The following VSTM2B variants were observed in gnomAD, a reference collection of about 807,000 sequenced individuals.
VSTM2B encodes V-set and transmembrane domain containing 2B, also known as V-set and transmembrane domain-containing protein 2B.
A neutral mutation model predicts 24.0 loss-of-function variants in VSTM2B; 24 were observed. That is an observed-to-expected ratio of 1.00 (90% confidence interval 0.72 to 1.40). The LOEUF (loss-of-function observed/expected upper bound fraction) is 1.40, where lower values mean the gene tolerates loss of function less well. Ranked by LOEUF, VSTM2B falls within the 40% of genes most tolerant of loss-of-function variation. VSTM2B has a pLI of 0.00. For missense variants in VSTM2B, 399 were observed against 416.4 expected (o/e 0.96, Z 0.36); for synonymous variants, 226 against 194.4 (o/e 1.16, Z -1.35).
At chr19:29,539,061 G>A (rs1326223727) in intron 4 of VSTM2B, among the ~76,000 whole-genome samples, 1 of 152,158 alleles carries the variant, frequency 6.6e-6, no homozygotes, top group Non-Finnish European at 1.5e-5. Context: ...TTTCAAGGGG[G>A]GAAGGTAGAA....
intron 4 of VSTM2B, among the ~76,000 whole-genome samples, chr19:29,548,294 C>A (rs1004721672): frequency 6.6e-6 from 1 of 152,092 alleles, no homozygotes; most frequent in African/African-American, 2.4e-5. Context: ...CTACCCAGGG[C>A]CTGGAAGCGA....
intron 4 of VSTM2B, among the ~76,000 whole-genome samples, chr19:29,533,719 C>T (rs1001835847): frequency 6.6e-6 from 1 of 152,216 alleles, no homozygotes; most frequent in African/African-American, 2.4e-5. Flanking sequence ...TGTGTGCTGT[C>T]AATGTGAAGC....
chr19:29,533,314 T>C (rs1969803692), intron 4 of VSTM2B, among the ~76,000 whole-genome samples: 1 of 152,208 alleles, frequency 6.6e-6, no homozygotes, highest in Non-Finnish European at 1.5e-5. Context: ...ACAGCTTGCC[T>C]GGATCCCAGC....
intron 2 of VSTM2B, among the ~76,000 whole-genome samples, chr19:29,528,173 C>T (rs931087312): frequency 3.3e-5 from 5 of 152,190 alleles, no homozygotes; most frequent in Admixed American, 6.5e-5. Context: ...CCCTGGTGTC[C>T]ATCCAGTCTC....
At chr19:29,551,433 C>G (rs1207920841) in intron 4 of VSTM2B, among the ~76,000 whole-genome samples, 1 of 149,916 alleles carries the variant, frequency 6.7e-6, no homozygotes, top group African/African-American at 2.5e-5. Flanking sequence ...AGCTGCTGGG[C>G]TGGCACCTTT....
chr19:29,529,891 G>C lies in VSTM2B; in HGVS notation c.370G>C (p.Val124Leu), dbSNP rs1429267814. The C allele has an allele frequency of 1.9e-6, 3 of 1,550,384 alleles. No homozygotes were observed. The highest frequency in any genetic ancestry group is 4.9e-5 in the East Asian group (2 of 40,904). The change falls in exon 4 of 5, where the codon GTG becomes CTG. Residue 124 changes from valine to leucine, a missense_variant. Coordinates refer to ENST00000335523, the MANE Select transcript of VSTM2B (RefSeq NM_001146339.2). The stretch of plus-strand genomic sequence containing the variant: ...TGCCGTGCGGCTGCAGGACGAGGGC[G>C]TGTACGAGTGCCGCGTGTCGGACTA... Reference protein sequence around the residue: ...LSAVRLQDEGVYECRVSDYSD... With the variant: ...LSAVRLQDEGLYECRVSDYSD...
At chr19:29,551,089 G>A (rs1461541264) in intron 4 of VSTM2B, among the ~76,000 whole-genome samples, 1 of 152,244 alleles carries the variant, frequency 6.6e-6, no homozygotes, top group African/African-American at 2.4e-5. Flanking sequence ...CTGGCGAGCT[G>A]TGCAGGCTGG....
At chr19:29,552,731 G>A (rs1214228654) in intron 4 of VSTM2B, among the ~76,000 whole-genome samples, 1 of 152,210 alleles carries the variant, frequency 6.6e-6, no homozygotes, top group African/African-American at 2.4e-5. Flanking sequence ...AGGGGGAAGG[G>A]CAGCAGCCAT....
intron 4 of VSTM2B, among the ~76,000 whole-genome samples, chr19:29,551,146 G>A (rs1017328752): frequency 6.6e-6 from 1 of 152,222 alleles, no homozygotes; most frequent in Non-Finnish European, 1.5e-5. Flanking sequence ...CAGGGTAGGA[G>A]TGGCCCCTCT....
In VSTM2B at chr19:29,563,984, G is replaced by T; in HGVS notation, c.*50G>T. The stretch of plus-strand genomic sequence containing the variant: ...CAGAGGCCGCACATGACCTGCCCGG[G>T]GCCCTCGGTGAGGACCATGTCGCTG... On this transcript the variant is annotated 3_prime_UTR_variant, in exon 5 of 5. Coordinates refer to ENST00000335523, the MANE Select transcript of VSTM2B (RefSeq NM_001146339.2). 1.4e-6 allele frequency: 2 copies of T among 1,478,722 alleles called. No individual in the cohort carries two copies. 91.6% of individuals were successfully genotyped at this position (1,478,722 alleles called of 1,614,324 possible).
chr19:29,548,241 G>A (rs370712353), intron 4 of VSTM2B, among the ~76,000 whole-genome samples: 6 of 152,094 alleles, frequency 3.9e-5, no homozygotes, highest in South Asian at 2.1e-4. Context: ...GGGATATGAC[G>A]TCACCCCCAG....
rs753161644 is a variant in VSTM2B, at chr19:29,548,201, C to T, written c.770-15645C>T. Reference sequence around the variant, plus strand: ...TCAGGCTCCTTCCACGTCCTGGACACGGAGGCAGCCATCTGGGCATCATCA... The same window carrying T: ...TCAGGCTCCTTCCACGTCCTGGACATGGAGGCAGCCATCTGGGCATCATCA... On this transcript the variant is annotated intron_variant, in intron 4 of 4. Transcript: ENST00000335523. 4.6e-5 allele frequency among the ~76,000 whole-genome samples: 7 copies of T among 152,122 alleles called. No homozygotes were observed. In the South Asian group the frequency reaches 8.3e-4, roughly 18 times the overall value.
chr19:29,546,707 C>T (rs1012303736), intron 4 of VSTM2B, among the ~76,000 whole-genome samples: 8 of 151,350 alleles, frequency 5.3e-5, no homozygotes, highest in Non-Finnish European at 1.2e-4. Flanking sequence ...GCAGTCGGGC[C>T]GCCTGCGGCC....
At chr19:29,528,770 C>T (rs35738634) in intron 3 of VSTM2B, among the ~76,000 whole-genome samples, 6,643 of 152,366 alleles carry the variant, frequency 0.044, 193 homozygotes, top group Middle Eastern at 0.078. Context: ...TGCCAGCCTC[C>T]GCTCTGCGGG....
At chr19:29,539,721 A>C (rs1186896460) in intron 4 of VSTM2B, among the ~76,000 whole-genome samples, 1 of 152,238 alleles carries the variant, frequency 6.6e-6, no homozygotes, top group Non-Finnish European at 1.5e-5. Context: ...AGAGATTGCT[A>C]ATAAAGGTGC....
Position 29,529,866 on chromosome 19 carries a change from T to C in VSTM2B, c.345T>C (p.Ser115=), listed in dbSNP as rs1193564273. 1.9e-6 allele frequency: 3 copies of C among 1,550,128 alleles called. No homozygotes were observed. The change falls in exon 4 of 5, where the codon TCT becomes TCC. Residue 115 remains serine (S), a synonymous_variant. Transcript: ENST00000335523. ...GNDISHRLRL[S]AVRLQDEGVY... ...ACATCTCACACCGGCTTCGGCTGTCTGCCGTGCGGCTGCAGGACGAGGGCG... is the reference window on the plus strand; with the variant it reads ...ACATCTCACACCGGCTTCGGCTGTCCGCCGTGCGGCTGCAGGACGAGGGCG...
chr19:29,563,388 T>C (rs554906867), intron 4 of VSTM2B, among the ~76,000 whole-genome samples: 93 of 151,856 alleles, frequency 6.1e-4, no homozygotes, highest in African/African-American at 2.1e-3. Context: ...GGAATACAGG[T>C]GCATGCCACC....
At chr19:29,546,880 A>ATGTT in intron 4 of VSTM2B, among the ~76,000 whole-genome samples, 1 of 152,322 alleles carries the variant, frequency 6.6e-6, no homozygotes, top group African/African-American at 2.4e-5. Flanking sequence ...GCCACCATGA[A>ATGTT]TGTTAACATT....
At position 29,526,376 on chromosome 19, in the gene VSTM2B, C is replaced by G. The variant is rs1248744893; in HGVS notation, c.-208C>G. On this transcript the variant is annotated 5_prime_UTR_variant, in exon 1 of 5. Coordinates refer to ENST00000335523, the MANE Select transcript of VSTM2B (RefSeq NM_001146339.2). The surrounding 1 kb of genome is among the most constrained non-coding windows in gnomAD (Gnocchi z 4.1). ...GTGGGACCGCGTCTCCTGCACACCCCGCGCAGCGCCCCCCGCCGGAGCCGC... is the reference window on the plus strand; with the variant it reads ...GTGGGACCGCGTCTCCTGCACACCCGGCGCAGCGCCCCCCGCCGGAGCCGC... The G allele has an allele frequency of 1.0e-4, 20 of 194,228 alleles. No homozygotes were observed. The highest frequency in any genetic ancestry group is 2.1e-4 in the Non-Finnish European group (20 of 97,262). 12.0% of individuals were successfully genotyped at this position (194,228 alleles called of 1,614,324 possible).
Sources: gnomAD v4.1 joint callset for allele counts (sites outside exome capture counted in the v4.1 genomes callset) on GRCh38, gnomAD v4.1.1 for gene constraint, Gnocchi (gnomAD v3.1) non-coding constraint, MANE v1.5 for transcripts, NCBI Gene and HGNC (gene_info 2026-07-23, HGNC 2026-07-21) for gene names.